Variants in MATN2 observed in about 807,000 individuals in gnomAD.
MATN2 encodes the protein matrilin 2, also known as matrilin-2.
In MATN2, 69 loss-of-function variants were observed where a neutral mutation model predicts 103.2. The ratio of observed to expected loss-of-function variants is 0.67; its 90% confidence interval spans 0.55 to 0.82. The LOEUF (loss-of-function observed/expected upper bound fraction) is 0.82. Ranked by LOEUF, MATN2 falls within the 40% of genes least tolerant of loss-of-function variation. The pLI is 0.00. For missense variants in MATN2, 1,023 were observed against 1,211.5 expected, an observed-to-expected ratio of 0.84 and a Z score of 2.31; for synonymous variants, 429 against 450.2, an observed-to-expected ratio of 0.95 and a Z score of 0.60.
At chr8:97,981,729 G>T (rs1312452557) in intron 6 of MATN2, among the ~76,000 whole-genome samples, 1 of 152,164 alleles carries the variant, frequency 6.6e-6, no homozygotes, top group African/African-American at 2.4e-5. Context: ...TGCACACACT[G>T]GCTGGGGTCA....
At chr8:97,997,875 A>G (rs1042870821) in intron 7 of MATN2, among the ~76,000 whole-genome samples, 12 of 145,056 alleles carry the variant, frequency 8.3e-5, no homozygotes, top group South Asian at 2.2e-4. Context: ...GCTGGAGTGC[A>G]GTGGAGCAAT....
At chr8:97,904,788 T>G (rs948321863) in intron 2 of MATN2, among the ~76,000 whole-genome samples, 1 of 152,032 alleles carries the variant, frequency 6.6e-6, no homozygotes, top group Non-Finnish European at 1.5e-5. Flanking sequence ...GAAGAGAGTT[T>G]AGAGATCATC....
chr8:98,010,060 T>G (rs1813104829), intron 10 of MATN2, among the ~76,000 whole-genome samples: 1 of 152,200 alleles, frequency 6.6e-6, no homozygotes, highest in Non-Finnish European at 1.5e-5. Flanking sequence ...AAATTTCCAT[T>G]GCACTCCTTG....
intron 5 of MATN2, among the ~76,000 whole-genome samples, chr8:97,974,565 G>A (rs767325941): frequency 1.3e-5 from 2 of 152,040 alleles, no homozygotes; most frequent in Non-Finnish European, 2.9e-5. Flanking sequence ...TGCTGCTTCA[G>A]TCTCCTGAGT....
At chr8:98,006,526 G>A (rs1280816665) in intron 8 of MATN2, among the ~76,000 whole-genome samples, 1 of 152,212 alleles carries the variant, frequency 6.6e-6, no homozygotes, top group Non-Finnish European at 1.5e-5. Context: ...GCTAGGAAGT[G>A]GCAGAGGTGT....
intron 13 of MATN2, among the ~76,000 whole-genome samples, 175 bp downstream of exon 13, chr8:98,021,502 C>T (rs1813590141): frequency 6.6e-6 from 1 of 152,126 alleles, no homozygotes; most frequent in Non-Finnish European, 1.5e-5. Flanking sequence ...AAAACACTTT[C>T]GGTTTTAATT....
intron 8 of MATN2, among the ~76,000 whole-genome samples, chr8:98,004,522 G>A (rs1367883783): frequency 3.9e-5 from 6 of 152,188 alleles, no homozygotes; most frequent in South Asian, 2.1e-4. Context: ...ACTAATAGTC[G>A]TATTATTCCC....
intron 10 of MATN2, among the ~76,000 whole-genome samples, chr8:98,010,079 G>A (rs1455260137): frequency 2.6e-5 from 4 of 152,212 alleles, no homozygotes; most frequent in Non-Finnish European, 5.9e-5. Context: ...TGATTTGGCA[G>A]AGTGCAGAAC....
At chr8:97,924,402 T>G (rs1318128834) in intron 2 of MATN2, among the ~76,000 whole-genome samples, 1 of 152,246 alleles carries the variant, frequency 6.6e-6, no homozygotes, top group African/African-American at 2.4e-5. Flanking sequence ...GGTTCTCTTG[T>G]TAAGTGCCCA....
At chr8:97,882,951 T>G (rs974664196) in intron 1 of MATN2, among the ~76,000 whole-genome samples, 1 of 152,176 alleles carries the variant, frequency 6.6e-6, no homozygotes, top group African/African-American at 2.4e-5. Context: ...GATGTGACTA[T>G]TCAAATCTTT....
At chr8:97,954,532 C>T (rs1337900916) in intron 4 of MATN2, among the ~76,000 whole-genome samples, 2 of 152,180 alleles carry the variant, frequency 1.3e-5, no homozygotes, top group Non-Finnish European at 2.9e-5. Context: ...AAGCTACCAA[C>T]GTGGCCTCTT....
chr8:97,878,145 T>C (rs1338000796), intron 1 of MATN2, among the ~76,000 whole-genome samples: 1 of 152,224 alleles, frequency 6.6e-6, no homozygotes, highest in Non-Finnish European at 1.5e-5. Context: ...TTTTATAACT[T>C]AAAATGTTTT....
intron 6 of MATN2, among the ~76,000 whole-genome samples, chr8:97,983,700 C>G (rs1042156246): frequency 6.6e-6 from 1 of 152,198 alleles, no homozygotes; most frequent in Admixed American, 6.5e-5. Flanking sequence ...GTTTTTCAGT[C>G]TCCAGTAATA....
chr8:97,884,278 T>C (rs1818352767), intron 1 of MATN2, among the ~76,000 whole-genome samples: 1 of 151,912 alleles, frequency 6.6e-6, no homozygotes, highest in South Asian at 2.1e-4. Flanking sequence ...GTAGCTGGGA[T>C]TACAGGCTTG....
intron 7 of MATN2, among the ~76,000 whole-genome samples, chr8:97,999,812 A>T (rs1006727410): frequency 6.6e-6 from 1 of 150,948 alleles, no homozygotes; most frequent in African/African-American, 2.4e-5. Context: ...TACTCTGGGC[A>T]TGAAGCAAGC....
chr8:97,916,463 T>A (rs1255060309), intron 2 of MATN2, among the ~76,000 whole-genome samples: 1 of 152,212 alleles, frequency 6.6e-6, no homozygotes, highest in Non-Finnish European at 1.5e-5. Flanking sequence ...CAGGGGCTGG[T>A]TGTACAGATT....
intron 14 of MATN2, 117 bp downstream of exon 14, chr8:98,027,946 G>A: frequency 9.8e-7 from 1 of 1,015,372 alleles, no homozygotes. Context: ...AAGGCCTCCT[G>A]GCAACTGCCA....
intron 17 of MATN2, 75 bp from the exon 18 acceptor site, chr8:98,033,486 G>GA (rs1814113320): frequency 1.3e-6 from 1 of 782,262 alleles, no homozygotes; most frequent in Non-Finnish European, 2.1e-6. Context: ...TCCATATGCT[G>GA]ATTCATTCCT....
chr8:98,036,456 G>C lies in MATN2; in HGVS notation c.*744G>C, dbSNP rs1389974475. 2.0e-5 allele frequency: 3 copies of C among 152,190 alleles called. No individual in the cohort carries two copies. Among genetic ancestry groups the C allele is most frequent in the Non-Finnish European group, 4.4e-5 (3 of 68,046 alleles). The allele number at this position is 152,190 out of a possible 1,614,324, so 9.4% of individuals were successfully genotyped here. A position where few individuals can be genotyped will look rare whatever the true frequency, so the allele number is the denominator to read the frequency against. On this transcript the variant is annotated 3_prime_UTR_variant, in exon 19 of 19. Transcript: ENST00000254898. ...AAGAATGCAAATGGCACTCTTTGTA[G>C]AGTAAGTCTGTTGACATCTCATAAA...
Sources: allele counts gnomAD v4.1 joint callset (sites outside exome capture counted in the v4.1 genomes callset), GRCh38; gene constraint gnomAD v4.1.1; transcripts MANE v1.5; gene names NCBI Gene and HGNC (gene_info 2026-07-23, HGNC 2026-07-21).